Variants in PRKN observed in about 807,000 individuals in gnomAD.
PRKN encodes the protein E3 ubiquitin-protein ligase parkin.
PRKN carries 56 observed loss-of-function variants against 59.5 expected under a neutral mutation model. The observed-to-expected ratio is 0.94, with a 90% CI of 0.76 to 1.18. The LOEUF (loss-of-function observed/expected upper bound fraction) is 1.18, where lower values mean the gene tolerates loss of function less well. PRKN is among the 50% of genes most tolerant of loss of function. PRKN has a pLI of 0.00. For synonymous variants in PRKN, 250 were observed against 222.1 expected (o/e 1.13, Z -1.12); for missense variants, 657 against 596.4 (o/e 1.10, Z -1.06).
intron 2 of PRKN, among the ~76,000 whole-genome samples, chr6:162,417,429 A>C (rs1465952809): frequency 6.6e-6 from 1 of 152,178 alleles, no homozygotes; most frequent in South Asian, 2.1e-4. Flanking sequence ...TCACACCATC[A>C]CATGCTGGCA....
chr6:162,649,492 G>A (rs750711860), intron 1 of PRKN, among the ~76,000 whole-genome samples: 6 of 152,046 alleles, frequency 3.9e-5, no homozygotes, highest in Non-Finnish European at 4.4e-5. Flanking sequence ...TCCCCCACAC[G>A]ACCATGCATC....
At chr6:162,312,726 G>C (rs574229085) in intron 2 of PRKN, among the ~76,000 whole-genome samples, 1 of 152,036 alleles carries the variant, frequency 6.6e-6, no homozygotes, top group Non-Finnish European at 1.5e-5. Flanking sequence ...TTTGTGGATC[G>C]GATAAAAGCT....
rs568382281 is a variant in PRKN at position 162,674,383 on chromosome 6, G to A, written c.7+53279C>T. Reference sequence around the variant, plus strand: ...GAAATGATGGATTACTGAGGGGTACGGCTGTGGGGCAATATCACATTAAAA... The same window carrying A: ...GAAATGATGGATTACTGAGGGGTACAGCTGTGGGGCAATATCACATTAAAA... On this transcript the variant is annotated intron_variant, in intron 1 of 11. Transcript: ENST00000366898. Among the ~76,000 whole-genome samples the A allele has an allele frequency of 1.1e-3, 166 of 152,240 alleles. 2 individuals are homozygous for A. The highest frequency in any genetic ancestry group is 2.4e-3 in the Admixed American group (37 of 15,292).
chr6:162,412,310 T>A (rs1264660389), intron 2 of PRKN, among the ~76,000 whole-genome samples: 1 of 152,030 alleles, frequency 6.6e-6, no homozygotes, highest in South Asian at 2.1e-4. Flanking sequence ...CAAGGCTCAA[T>A]CTAGAAGGTG....
chr6:161,967,429 T>C (rs1369147079), intron 6 of PRKN, among the ~76,000 whole-genome samples: 1 of 152,202 alleles, frequency 6.6e-6, no homozygotes, highest in Non-Finnish European at 1.5e-5. Context: ...AGTCAGAGCC[T>C]TGGAGATGAC....
At chr6:161,495,794 G>T (rs1025642491) in intron 9 of PRKN, among the ~76,000 whole-genome samples, 7 of 152,180 alleles carry the variant, frequency 4.6e-5, no homozygotes, top group Admixed American at 1.3e-4. Flanking sequence ...ATCATTTCTA[G>T]AATCTAATTC....
In PRKN at chr6:161,419,121, C is replaced by T. The variant is rs1787975397; in HGVS notation, c.1084-32244G>A. Among the ~76,000 whole-genome samples, 1 of 152,200 alleles carries T rather than the reference C, an allele frequency of 6.6e-6. No individual in the cohort carries two copies. Among genetic ancestry groups the T allele is most frequent in the South Asian group, 2.1e-4 (1 of 4,828 alleles). On this transcript the variant is annotated intron_variant, in intron 9 of 11. Transcript: ENST00000366898. This position sits in a 1 kb window ranked among gnomAD's most constrained non-coding sequence, Gnocchi z 4.1. ...AAATATGTAAGGTCATTAGTGTTCA[C>T]TAAATGCGTAGCTATGCAATGAAAA...
intron 3 of PRKN, among the ~76,000 whole-genome samples, chr6:162,210,152 G>A (rs1011318087): frequency 2.6e-5 from 2 of 75,580 alleles, no homozygotes; most frequent in Non-Finnish European, 6.9e-5. Context: ...GCACCTCTCT[G>A]GAGCCATGAC....
intron 2 of PRKN, among the ~76,000 whole-genome samples, chr6:162,348,225 C>G (rs1784485554): frequency 6.6e-6 from 1 of 152,154 alleles, no homozygotes; most frequent in South Asian, 2.1e-4. Flanking sequence ...CACAGAGTGG[C>G]CGGCCTCTGG....
At position 162,245,935 on chromosome 6, in the gene PRKN, A is replaced by G. The variant is rs530499004; in HGVS notation, c.412+16590T>C. On this transcript the variant is annotated intron_variant, in intron 3 of 11. Transcript: ENST00000366898. ...GGTGACCTCAGATCAATTAAAAATC[A>G]TATGCCCACTGGGGAGGAAAACAGC... is the stretch of plus-strand genomic sequence containing the variant. 1.3e-3 allele frequency among the ~76,000 whole-genome samples: 195 copies of G among 152,294 alleles called. 1 individual carries two copies. The highest frequency in any genetic ancestry group is 4.3e-3 in the African/African-American group (179 of 41,576).
In PRKN at chr6:161,470,260, C is replaced by T. The variant is rs1403797500; in HGVS notation, c.1083+78594G>A. ...ATTATATGCTTTAGTTATATTACTA[C>T]CTTTGCTGTCATAGGCCCATTAGGG... On this transcript the variant is annotated intron_variant, in intron 9 of 11. Transcript: ENST00000366898. This position sits in a 1 kb window ranked among gnomAD's most constrained non-coding sequence, Gnocchi z 5.1. Among the ~76,000 whole-genome samples, 2 of 152,142 alleles carry T rather than the reference C, an allele frequency of 1.3e-5. No individual in the cohort carries two copies. Among genetic ancestry groups the T allele is most frequent in the Non-Finnish European group, 2.9e-5 (2 of 68,022 alleles).
intron 4 of PRKN, among the ~76,000 whole-genome samples, chr6:162,125,452 AT>A (rs777521105): frequency 1.1e-4 from 16 of 152,042 alleles, no homozygotes; most frequent in Admixed American, 4.6e-4. Context: ...TAGGGACAAT[AT>A]TTTTTTCCCT....
chr6:162,080,494 C>T (rs1779011177), intron 4 of PRKN, among the ~76,000 whole-genome samples: 1 of 152,116 alleles, frequency 6.6e-6, no homozygotes, highest in Non-Finnish European at 1.5e-5. Context: ...GCTGAGGTTT[C>T]TCAGTGCACA....
intron 1 of PRKN, among the ~76,000 whole-genome samples, chr6:162,502,885 G>A (rs150240745): frequency 5.9e-5 from 9 of 152,014 alleles, no homozygotes; most frequent in African/African-American, 2.2e-4. Flanking sequence ...CCAACCCAGT[G>A]TTTCCAGAAC....
chr6:162,698,906 G>C (rs1259514637), intron 1 of PRKN, among the ~76,000 whole-genome samples: 2 of 152,178 alleles, frequency 1.3e-5, no homozygotes, highest in African/African-American at 4.8e-5. Flanking sequence ...TGATCAGAGA[G>C]TGATACTCAA....
intron 4 of PRKN, among the ~76,000 whole-genome samples, chr6:162,172,750 A>T (rs1783347602): frequency 6.6e-6 from 1 of 152,176 alleles, no homozygotes; most frequent in South Asian, 2.1e-4. Flanking sequence ...TATTCTTGGA[A>T]ATGAATCTGT....
intron 1 of PRKN, among the ~76,000 whole-genome samples, chr6:162,482,848 T>C (rs1244543244): frequency 6.6e-6 from 1 of 152,096 alleles, no homozygotes; most frequent in Non-Finnish European, 1.5e-5. Context: ...CCTTCCAACG[T>C]GGAAATTTAT....
intron 6 of PRKN, among the ~76,000 whole-genome samples, chr6:161,841,796 G>A (rs1792997162): frequency 6.6e-6 from 1 of 152,068 alleles, no homozygotes; most frequent in African/African-American, 2.4e-5. Flanking sequence ...TGATCACCTC[G>A]GCCTGCCTAC....
chr6:161,944,449 T>A (rs1228924732), intron 6 of PRKN, among the ~76,000 whole-genome samples: 1 of 144,158 alleles, frequency 6.9e-6, no homozygotes, highest in African/African-American at 2.9e-5. Flanking sequence ...CCCATCACCA[T>A]TTTTTTTTCT....
Sources: allele counts gnomAD v4.1 joint callset (sites outside exome capture counted in the v4.1 genomes callset), GRCh38; gene constraint gnomAD v4.1.1; non-coding constraint Gnocchi (gnomAD v3.1); transcripts MANE v1.5; gene names NCBI Gene and HGNC (gene_info 2026-07-23, HGNC 2026-07-21).